The following NCK1 variants were observed in gnomAD, a reference collection of about 807,000 sequenced individuals.
NCK1 encodes the protein SH2/SH3 adapter protein NCK1.
A neutral mutation model predicts 36.6 loss-of-function variants in NCK1; 19 were observed. That is an observed-to-expected ratio of 0.52 (90% CI 0.36 to 0.76). The LOEUF (loss-of-function observed/expected upper bound fraction) is 0.76, where lower values mean the gene tolerates loss of function less well. Ranked by LOEUF, NCK1 falls within the 30% of genes least tolerant of loss-of-function variation. The probability of loss-of-function intolerance (pLI) is 0.00; values close to 1 mark genes in which losing one functional copy is unlikely to be tolerated. For missense variants in NCK1, 358 were observed against 445.6 expected (o/e 0.80, Z 1.77); for synonymous variants, 165 against 156.0 (o/e 1.06, Z -0.43).
At chr3:136,928,705 A>G (rs1054391502) in intron 2 of NCK1, 2 of 153,354 alleles carry the variant, frequency 1.3e-5, no homozygotes, top group Non-Finnish European at 2.9e-5. Context: ...GCTCTTTTCT[A>G]TTTTGTTTCT....
At chr3:136,890,690 A>ATGG (rs1421914550) in intron 1 of NCK1, among the ~76,000 whole-genome samples, 1 of 152,252 alleles carries the variant, frequency 6.6e-6, no homozygotes, top group African/African-American at 2.4e-5. Flanking sequence ...TAATATGGCT[A>ATGG]CTGGCATTCA....
At chr3:136,934,355 G>T (rs1420057052) in intron 2 of NCK1, among the ~76,000 whole-genome samples, 1 of 150,918 alleles carries the variant, frequency 6.6e-6, no homozygotes, top group African/African-American at 2.4e-5. Context: ...GTGTGATCTC[G>T]GCTCACTGCA....
chr3:136,877,779 A>C (rs1173248407), intron 1 of NCK1, among the ~76,000 whole-genome samples: 1 of 152,176 alleles, frequency 6.6e-6, no homozygotes, highest in African/African-American at 2.4e-5. Context: ...AGTAGAAAAT[A>C]CTTCTTAGGC....
intron 2 of NCK1, among the ~76,000 whole-genome samples, chr3:136,930,268 T>G: frequency 6.6e-6 from 1 of 152,318 alleles, no homozygotes; most frequent in East Asian, 1.9e-4. Flanking sequence ...ATGAATATAT[T>G]TTAACTATAA....
Position 136,915,101 on chromosome 3 carries a change from AATAAGCC to A in NCK1, c.-18-12882_-18-12876del, listed in dbSNP as rs200610800. On this transcript the variant is annotated intron_variant, in intron 1 of 3. Transcript: ENST00000481752. ...TTCTAGCCATGAGAATTTTGAGCCA[AATAAGCC>A]TTTTTTCTTTATAGATTAGCCTCAG... Among the ~76,000 whole-genome samples the A allele has an allele frequency of 6.5e-3, 994 of 152,314 alleles. 5 individuals are homozygous for A. Among genetic ancestry groups the A allele is most frequent in the Middle Eastern group, 0.014 (4 of 294 alleles).
intron 1 of NCK1, among the ~76,000 whole-genome samples, chr3:136,867,249 G>T (rs1424599344): frequency 1.8e-5 from 1 of 56,824 alleles, no homozygotes; most frequent in Non-Finnish European, 4.2e-5. Context: ...CTGTCCGTCC[G>T]TCTGTCTCTC....
At chr3:136,909,479 G>T (rs78772556) in intron 1 of NCK1, among the ~76,000 whole-genome samples, 20 of 152,294 alleles carry the variant, frequency 1.3e-4, no homozygotes, top group African/African-American at 4.3e-4. Flanking sequence ...AGCTTGCTCT[G>T]AGAGACAATT....
intron 1 of NCK1, among the ~76,000 whole-genome samples, chr3:136,874,505 T>C (rs988786732): frequency 2.6e-5 from 4 of 152,218 alleles, no homozygotes; most frequent in African/African-American, 4.8e-5. Context: ...AATGAACTTA[T>C]ACACTCATTT....
chr3:136,899,688 A>G (rs2108098511), intron 1 of NCK1: 1 of 757,732 alleles, frequency 1.3e-6, no homozygotes, highest in East Asian at 2.5e-5. Flanking sequence ...ATCACTGGCT[A>G]CACTGCAATT....
intron 2 of NCK1, among the ~76,000 whole-genome samples, chr3:136,940,408 C>T (rs966960635): frequency 6.6e-6 from 1 of 152,096 alleles, no homozygotes; most frequent in South Asian, 2.1e-4. Flanking sequence ...TTTTCTCCCT[C>T]AATTCTGTCA....
intron 1 of NCK1, among the ~76,000 whole-genome samples, chr3:136,885,401 A>G (rs1444789808): frequency 1.3e-5 from 2 of 152,150 alleles, no homozygotes; most frequent in Non-Finnish European, 2.9e-5. Context: ...AGGCTGGAGT[A>G]CAGTGGCCTG....
intron 1 of NCK1, among the ~76,000 whole-genome samples, chr3:136,902,486 C>A (rs781045285): frequency 1.3e-5 from 2 of 152,166 alleles, no homozygotes; most frequent in South Asian, 2.1e-4. Context: ...CGAGCTATCC[C>A]ACCTGGCCTA....
At chr3:136,926,521 C>G (rs530562039) in intron 1 of NCK1, among the ~76,000 whole-genome samples, 1 of 152,048 alleles carries the variant, frequency 6.6e-6, no homozygotes, top group African/African-American at 2.4e-5. Flanking sequence ...GTGATTCACC[C>G]GCCTCAGCCT....
rs963052451 is a variant in NCK1 at position 136,945,947 on chromosome 3, T to C, written c.591T>C (p.Ala197=). The C allele has an allele frequency of 1.9e-6, 3 of 1,614,072 alleles. No homozygotes were observed. The highest frequency in any genetic ancestry group is 2.7e-5 in the African/African-American group (2 of 75,012). ...NTGQVLHVVQ[A]LYPFSSSNDE... is the part of the protein sequence containing the mutation. Reference sequence around the variant, plus strand: ...GGCAAGTGTTGCATGTGGTACAGGCTCTTTACCCATTCAGCTCATCTAATG... The same window carrying C: ...GGCAAGTGTTGCATGTGGTACAGGCCCTTTACCCATTCAGCTCATCTAATG... Residue 197 remains alanine (A), a synonymous_variant, in exon 3 of 4, where the codon GCT becomes GCC. Coordinates refer to ENST00000481752, the MANE Select transcript of NCK1 (RefSeq NM_001291999.2).
chr3:136,950,984 A>G lies in NCK1; in HGVS notation c.*2531A>G, dbSNP rs1393355793. Among the ~76,000 whole-genome samples the G allele has an allele frequency of 6.6e-6, 1 of 152,158 alleles. No homozygotes were observed. Among genetic ancestry groups the G allele is most frequent in the Non-Finnish European group, 1.5e-5 (1 of 68,014 alleles). On this transcript the variant is annotated 3_prime_UTR_variant, in exon 4 of 4. Coordinates refer to ENST00000481752, the MANE Select transcript of NCK1 (RefSeq NM_001291999.2). ...GATTCAGCTGAATATATATTCACAC[A>G]TGTATATTACACATATATCACTATA...
intron 1 of NCK1, among the ~76,000 whole-genome samples, chr3:136,910,329 A>G (rs529297842): frequency 1.3e-5 from 2 of 152,190 alleles, no homozygotes; most frequent in Non-Finnish European, 2.9e-5. Flanking sequence ...AACTTCCTGT[A>G]CAGCTCCATC....
chr3:136,871,817 T>C (rs1938626368), intron 1 of NCK1, among the ~76,000 whole-genome samples: 2 of 152,156 alleles, frequency 1.3e-5, no homozygotes, highest in Non-Finnish European at 2.9e-5. Context: ...ATAGGTCTTG[T>C]GGGATCTGAT....
chr3:136,908,430 T>C (rs1171070954), intron 1 of NCK1, among the ~76,000 whole-genome samples: 1 of 152,194 alleles, frequency 6.6e-6, no homozygotes, highest in Non-Finnish European at 1.5e-5. Flanking sequence ...GTGGACTAGA[T>C]GTACAGCTTG....
intron 1 of NCK1, among the ~76,000 whole-genome samples, chr3:136,880,810 C>G (rs1938911854): frequency 6.6e-6 from 1 of 152,086 alleles, no homozygotes; most frequent in Admixed American, 6.5e-5. Context: ...GTTCTCACTT[C>G]TTTGCCCTGG....
Sources: allele counts gnomAD v4.1 joint callset (sites outside exome capture counted in the v4.1 genomes callset), GRCh38; gene constraint gnomAD v4.1.1; transcripts MANE v1.5; gene names NCBI Gene and HGNC (gene_info 2026-07-23, HGNC 2026-07-21).